The following TMEM45B variants were observed in gnomAD, a reference collection of about 807,000 sequenced individuals.
TMEM45B encodes the protein transmembrane protein 45B.
TMEM45B carries 29 observed loss-of-function variants against 27.3 expected under a neutral mutation model. That is an observed-to-expected ratio of 1.06 (90% CI 0.79 to 1.45). The LOEUF (loss-of-function observed/expected upper bound fraction) is 1.45, where lower values mean the gene tolerates loss of function less well. Ranked by LOEUF, TMEM45B falls within the 40% of genes most tolerant of loss-of-function variation. The probability of loss-of-function intolerance (pLI) is 0.00; values close to 1 mark genes in which losing one functional copy is unlikely to be tolerated. For missense variants in TMEM45B, 348 were observed against 343.9 expected, an observed-to-expected ratio of 1.01 and a Z score of -0.09; for synonymous variants, 143 against 134.7, an observed-to-expected ratio of 1.06 and a Z score of -0.43.
chr11:129,820,429 T>G (rs965469336), intron 1 of TMEM45B, among the ~76,000 whole-genome samples: 5 of 152,190 alleles, frequency 3.3e-5, no homozygotes, highest in African/African-American at 1.2e-4. Context: ...GAGTCATAGA[T>G]CCTGTCTCTA....
In TMEM45B at chr11:129,847,407, A is replaced by ATTTGTTTTTTAT. The variant is rs1555072230; in HGVS notation, c.-8-5065_-8-5064insGTTTTTTATTTT. On this transcript the variant is annotated intron_variant, in intron 1 of 5. Transcript: ENST00000281441. ...CATTTTTTTAAAAGCTTATGAAGTT[A>ATTTGTTTTTTAT]TTTTTTTTTATTTTTTTTTATTGAT... Among the ~76,000 whole-genome samples, 5 of 67,936 alleles carry ATTTGTTTTTTAT rather than the reference A, an allele frequency of 7.4e-5. No individual in the cohort carries two copies. The South Asian group carries it at 1.7e-3, about 23-fold the overall frequency. The allele number at this position is 67,936 out of a possible 152,430, so 44.6% of individuals were successfully genotyped here.
chr11:129,857,212 C>T (rs971459617), intron 4 of TMEM45B, 101 bp from the exon 5 acceptor site: 137 of 1,354,594 alleles, frequency 1.0e-4, no homozygotes, highest in South Asian at 5.3e-5. Flanking sequence ...AACTATGAGG[C>T]GGTGGTCACA....
chr11:129,846,770 G>A (rs949366233), intron 1 of TMEM45B, among the ~76,000 whole-genome samples: 2 of 152,214 alleles, frequency 1.3e-5, no homozygotes, highest in African/African-American at 4.8e-5. Flanking sequence ...ACATGCAGGA[G>A]TCACGGAATA....
chr11:129,837,608 G>A (rs1010719004), intron 1 of TMEM45B, among the ~76,000 whole-genome samples: 7 of 41,302 alleles, frequency 1.7e-4, no homozygotes, highest in African/African-American at 4.4e-4. Context: ...TTTGAGACAG[G>A]GTCTCCTCTG....
Position 129,853,977 on chromosome 11 carries a change from T to C in TMEM45B, c.179-633T>C, listed in dbSNP as rs975620550. On this transcript the variant is annotated intron_variant, in intron 2 of 5. Coordinates refer to ENST00000281441, the MANE Select transcript of TMEM45B (RefSeq NM_138788.5). ...CTAAGAGCTATCCTGTGTCGCAGTT[T>C]CGTCATTTTCTGGCCCACATCCTGG... 1.8e-4 allele frequency among the ~76,000 whole-genome samples: 28 copies of C among 152,218 alleles called. 1 individual carries two copies. The highest frequency in any genetic ancestry group is 7.3e-5 in the Non-Finnish European group (5 of 68,034).
chr11:129,838,005 T>C (rs533716721), intron 1 of TMEM45B, among the ~76,000 whole-genome samples: 3 of 151,596 alleles, frequency 2.0e-5, no homozygotes, highest in Non-Finnish European at 4.4e-5. Context: ...TGGTCTCAAA[T>C]TCCTGATCTC....
intron 1 of TMEM45B, among the ~76,000 whole-genome samples, chr11:129,825,457 AT>A (rs891546196): frequency 1.9e-4 from 29 of 151,866 alleles, no homozygotes; most frequent in African/African-American, 6.8e-4. Context: ...TCTAAGAAAC[AT>A]CTATACGTTT....
At position 129,825,602 on chromosome 11, in the gene TMEM45B, G is replaced by T. The variant is rs557480425; in HGVS notation, c.-9+9704G>T. Among the ~76,000 whole-genome samples, 10 of 151,716 alleles carry T rather than the reference G, an allele frequency of 6.6e-5. No individual in the cohort carries two copies. In the East Asian group the frequency reaches 1.9e-3, roughly 29 times the overall value. On this transcript the variant is annotated intron_variant, in intron 1 of 5. Transcript: ENST00000281441. Reference sequence around the variant, plus strand: ...GATTAATCCATGGGTGTGCGTGAGAGTTCTTGCAAGGGGAAGAGGAAACGG... The same window carrying T: ...GATTAATCCATGGGTGTGCGTGAGATTTCTTGCAAGGGGAAGAGGAAACGG...
At chr11:129,840,745 C>T (rs546812186) in intron 1 of TMEM45B, among the ~76,000 whole-genome samples, 18 of 151,672 alleles carry the variant, frequency 1.2e-4, no homozygotes, top group Non-Finnish European at 2.1e-4. Context: ...ATTAGCTGGG[C>T]GTGGTGGTGC....
intron 1 of TMEM45B, among the ~76,000 whole-genome samples, chr11:129,816,715 T>C (rs1947355687): frequency 6.7e-6 from 1 of 148,576 alleles, no homozygotes; most frequent in East Asian, 2.0e-4. Flanking sequence ...TCCTAAAAGT[T>C]GCAGAAATGG....
At chr11:129,856,700 C>T (rs1293096978) in intron 4 of TMEM45B, among the ~76,000 whole-genome samples, 2 of 148,852 alleles carry the variant, frequency 1.3e-5, no homozygotes, top group South Asian at 2.1e-4. Flanking sequence ...GCTGGGACTA[C>T]AGGCGCCCGC....
intron 1 of TMEM45B, among the ~76,000 whole-genome samples, chr11:129,833,258 TA>T (rs369640189): frequency 0.36 from 47,332 of 131,340 alleles, 8,136 homozygotes; most frequent in East Asian, 0.51. Flanking sequence ...AACAGAAAAA[TA>T]AAAAAAAAAA....
intron 1 of TMEM45B, among the ~76,000 whole-genome samples, chr11:129,825,490 G>T (rs996074184): frequency 6.6e-6 from 1 of 151,930 alleles, no homozygotes; most frequent in African/African-American, 2.4e-5. Flanking sequence ...TGTCTGTTCA[G>T]CAGGTTGTTG....
chr11:129,838,616 ATAATT>A (rs1241618386), intron 1 of TMEM45B, among the ~76,000 whole-genome samples: 1 of 152,162 alleles, frequency 6.6e-6, no homozygotes, highest in Non-Finnish European at 1.5e-5. Context: ...AAGATAAAAT[ATAATT>A]TATTCAGTCA....
At chr11:129,830,275 C>A (rs959993759) in intron 1 of TMEM45B, among the ~76,000 whole-genome samples, 8 of 152,212 alleles carry the variant, frequency 5.3e-5, no homozygotes, top group African/African-American at 9.6e-5. Flanking sequence ...TGCAGTGAGC[C>A]AAGATCATGC....
intron 1 of TMEM45B, among the ~76,000 whole-genome samples, chr11:129,817,654 C>T (rs1401265480): frequency 6.6e-6 from 1 of 152,204 alleles, no homozygotes; most frequent in Non-Finnish European, 1.5e-5. Context: ...CACCTGTTCC[C>T]ATTTATTCCA....
chr11:129,827,529 C>T lies in TMEM45B; in HGVS notation c.-9+11631C>T, dbSNP rs528602023. On this transcript the variant is annotated intron_variant, in intron 1 of 5. Coordinates refer to ENST00000281441, the MANE Select transcript of TMEM45B (RefSeq NM_138788.5). ...TTAAACATATGGTATTATGGCCAGG[C>T]GCAGTGGCTCACACCTATAATCCCA... 1.9e-3 allele frequency among the ~76,000 whole-genome samples: 254 copies of T among 133,604 alleles called. 1 individual carries two copies. The highest frequency in any genetic ancestry group is 5.8e-3 in the African/African-American group (230 of 39,344). The allele number at this position is 133,604 out of a possible 152,430, so 87.6% of individuals were successfully genotyped here.
intron 1 of TMEM45B, among the ~76,000 whole-genome samples, chr11:129,822,496 G>T: frequency 6.6e-6 from 1 of 152,142 alleles, no homozygotes; most frequent in Non-Finnish European, 1.5e-5. Context: ...TGTCTCTAGT[G>T]CTTTCTAGTA....
In TMEM45B at chr11:129,815,945, G is replaced by A. The variant is rs566467782; in HGVS notation, c.-9+47G>A. ...GGGGCTCGAACCTGGAGGAGGGCTCGAAGGGAGAGGGGGCCCCGCCAAGGA... is the reference window on the plus strand; with the variant it reads ...GGGGCTCGAACCTGGAGGAGGGCTCAAAGGGAGAGGGGGCCCCGCCAAGGA... On this transcript the variant is annotated intron_variant, in intron 1 of 5. Coordinates refer to ENST00000281441, the MANE Select transcript of TMEM45B (RefSeq NM_138788.5). 1.0e-5 allele frequency: 13 copies of A among 1,266,240 alleles called. No homozygotes were observed. In the South Asian group the frequency reaches 3.6e-4, roughly 35 times the overall value. 78.4% of individuals were successfully genotyped at this position (1,266,240 alleles called of 1,614,324 possible). A position where few individuals can be genotyped will look rare whatever the true frequency, so the allele number is the denominator to read the frequency against.
Sources: gnomAD v4.1 joint callset for allele counts (sites outside exome capture counted in the v4.1 genomes callset) on GRCh38, gnomAD v4.1.1 for gene constraint, MANE v1.5 for transcripts, NCBI Gene and HGNC (gene_info 2026-07-23, HGNC 2026-07-21) for gene names.